Variants in KIF9 observed in about 807,000 individuals in gnomAD.
The protein encoded by KIF9 is kinesin family member 9.
Under a neutral mutation model 94.8 loss-of-function variants are expected in KIF9, and 68 were observed. That is an observed-to-expected ratio of 0.72 (90% CI 0.59 to 0.88). The LOEUF is 0.88. Among genes scored for constraint, KIF9 ranks in the 40% least tolerant of loss-of-function variants. The pLI is 0.00. For missense variants in KIF9, 882 were observed against 982.5 expected (o/e 0.90, Z 1.37); for synonymous variants, 343 against 362.1 (o/e 0.95, Z 0.60).
intron 10 of KIF9, among the ~76,000 whole-genome samples, chr3:47,257,110 C>T (rs998891323): frequency 1.3e-5 from 2 of 151,924 alleles, no homozygotes; most frequent in African/African-American, 4.8e-5. Context: ...CCAAATCCCC[C>T]TCTGTGAGAA....
At chr3:47,281,555 C>T (rs567481789) in intron 1 of KIF9, among the ~76,000 whole-genome samples, 7 of 152,170 alleles carry the variant, frequency 4.6e-5, no homozygotes, top group African/African-American at 1.2e-4. Context: ...GCCATGTTGC[C>T]CAGGCTGGTC....
Position 47,228,686 on chromosome 3 carries a change from G to GTT in KIF9, c.2337_2338dup (p.Thr780LysfsTer3), listed in dbSNP as rs776155330. Reference sequence around the variant, plus strand: ...ATGTGCCTGCTGGAGGCCCATCATGGTTTTCAAGTAATTATGCTGGACACA... The same window carrying GTT: ...ATGTGCCTGCTGGAGGCCCATCATGGTTTTTTCAAGTAATTATGCTGGACACA... On this transcript the variant is annotated frameshift_variant, in exon 21 of 21. Transcript: ENST00000684063. LOFTEE classifies it high-confidence loss of function. 4.3e-5 allele frequency: 70 copies of GTT among 1,613,932 alleles called. No individual in the cohort carries two copies. In the African/African-American group the frequency reaches 7.6e-4, roughly 18 times the overall value.
Position 47,240,798 on chromosome 3 carries a change from T to A in KIF9, c.1924+3A>T, listed in dbSNP as rs775521794. The A allele has an allele frequency of 3.8e-5, 62 of 1,612,786 alleles. No individual in the cohort carries two copies. The highest frequency in any genetic ancestry group is 2.8e-5 in the Non-Finnish European group (33 of 1,178,936). ...TCCCTAGCCCTCTTTCCAACACATT[T>A]ACCTTGCTTCTCCCGTAGTGACTTC... On this transcript the variant is annotated splice_donor_region_variant and intron_variant, in intron 17 of 20. Transcript: ENST00000684063.
chr3:47,260,102 G>A (rs1055563798), intron 9 of KIF9, among the ~76,000 whole-genome samples: 2 of 129,514 alleles, frequency 1.5e-5, no homozygotes, highest in Non-Finnish European at 3.2e-5. Flanking sequence ...CTGAGATAGG[G>A]AAAAACCGCC....
At chr3:47,269,261 A>G (rs1701486892) in intron 5 of KIF9, among the ~76,000 whole-genome samples, 1 of 152,236 alleles carries the variant, frequency 6.6e-6, no homozygotes, top group Non-Finnish European at 1.5e-5. Flanking sequence ...GACTTCTAAA[A>G]GAATAACATA....
rs763335598 is a variant in KIF9, at chr3:47,248,014, T to C, written c.1128+4A>G. 1 of 1,610,832 alleles carries C rather than the reference T, an allele frequency of 6.2e-7. No homozygotes were observed. The highest frequency in any genetic ancestry group is 8.5e-7 in the Non-Finnish European group (1 of 1,177,252). ...GCCCTCCTTCTTTGCCTCTAGCCTC[T>C]TACCAGGCTGTCATGGATAGCCAGC... On this transcript the variant is annotated splice_donor_region_variant and intron_variant, in intron 11 of 20. Transcript: ENST00000684063.
intron 15 of KIF9, 69 bp downstream of exon 15, chr3:47,244,722 T>A: frequency 6.3e-7 from 1 of 1,575,830 alleles, no homozygotes; most frequent in Non-Finnish European, 8.7e-7. Context: ...GTGGGAACAG[T>A]GCACATCCTC....
intron 10 of KIF9, among the ~76,000 whole-genome samples, chr3:47,252,688 T>C (rs769170219): frequency 5.9e-5 from 9 of 152,012 alleles, no homozygotes; most frequent in Non-Finnish European, 1.3e-4. Context: ...GTAGCAATGT[T>C]GATAATCCTA....
intron 9 of KIF9, among the ~76,000 whole-genome samples, chr3:47,263,308 T>C (rs1333008678): frequency 1.3e-5 from 2 of 152,172 alleles, no homozygotes; most frequent in Admixed American, 6.5e-5. Flanking sequence ...TAGACCTTTA[T>C]TCCTGCCTCT....
intron 1 of KIF9, chr3:47,282,234 G>T (rs186774465): frequency 9.1e-6 from 9 of 985,376 alleles, no homozygotes; most frequent in Non-Finnish European, 1.1e-5. Flanking sequence ...CTGGCTCCCT[G>T]CCTCACGGCC....
chr3:47,254,779 G>A (rs142304530), intron 10 of KIF9, among the ~76,000 whole-genome samples: 2 of 152,136 alleles, frequency 1.3e-5, no homozygotes, highest in East Asian at 3.9e-4. Context: ...TGTCATAAAA[G>A]GGCCTAAAGA....
chr3:47,269,768 A>ATTT (rs36108313), intron 5 of KIF9, among the ~76,000 whole-genome samples: 21 of 86,470 alleles, frequency 2.4e-4, no homozygotes, highest in African/African-American at 3.4e-4. Context: ...CTCCCAGCTA[A>ATTT]TTTTTTTTTT....
intron 10 of KIF9, among the ~76,000 whole-genome samples, chr3:47,248,416 T>C (rs1424611981): frequency 2.0e-5 from 3 of 152,010 alleles, no homozygotes; most frequent in Middle Eastern, 3.2e-3. Flanking sequence ...ATAATGGCCC[T>C]TTTGGTGCAG....
At chr3:47,268,215 T>G (rs1474661800) in intron 5 of KIF9, among the ~76,000 whole-genome samples, 5 of 152,118 alleles carry the variant, frequency 3.3e-5, no homozygotes, top group Non-Finnish European at 7.4e-5. Context: ...TTACCTCTAA[T>G]TTACAGGAGG....
At chr3:47,275,943 G>C (rs1227510181) in intron 2 of KIF9, among the ~76,000 whole-genome samples, 1 of 152,172 alleles carries the variant, frequency 6.6e-6, no homozygotes, top group Non-Finnish European at 1.5e-5. Context: ...CTGCATTATG[G>C]TGAACATCTA....
chr3:47,258,685 A>C (rs1700770248), intron 9 of KIF9, among the ~76,000 whole-genome samples: 1 of 152,126 alleles, frequency 6.6e-6, no homozygotes, highest in African/African-American at 2.4e-5. Flanking sequence ...TGCTCCTGCC[A>C]TGTAAGACGT....
chr3:47,276,738 T>C (rs1259291547), intron 2 of KIF9, among the ~76,000 whole-genome samples: 1 of 152,180 alleles, frequency 6.6e-6, no homozygotes, highest in East Asian at 1.9e-4. Context: ...CTTGAATTTT[T>C]CCTTTGAAGA....
At chr3:47,256,723 T>C (rs907072328) in intron 10 of KIF9, among the ~76,000 whole-genome samples, 13 of 152,176 alleles carry the variant, frequency 8.5e-5, no homozygotes, top group African/African-American at 2.7e-4. Flanking sequence ...GGGGAAAGGA[T>C]TGAGAAGTCG....
At chr3:47,252,084 C>T (rs955729111) in intron 10 of KIF9, among the ~76,000 whole-genome samples, 6 of 152,126 alleles carry the variant, frequency 3.9e-5, no homozygotes, top group Admixed American at 2.6e-4. Flanking sequence ...GCATCAATAC[C>T]GAAGACAGTG....
Sources: allele counts gnomAD v4.1 joint callset (sites outside exome capture counted in the v4.1 genomes callset), GRCh38; gene constraint gnomAD v4.1.1; transcripts MANE v1.5; gene names NCBI Gene and HGNC (gene_info 2026-07-23, HGNC 2026-07-21).